Variants in GALNT18 observed in about 807,000 individuals in gnomAD.
The protein encoded by GALNT18 is polypeptide N-acetylgalactosaminyltransferase 18.
GALNT18 carries 44 observed loss-of-function variants against 69.5 expected under a neutral mutation model. The ratio of observed to expected loss-of-function variants is 0.63; its 90% CI spans 0.50 to 0.81. The LOEUF is 0.81. Among genes scored for constraint, GALNT18 ranks in the 40% least tolerant of loss-of-function variants. GALNT18 has a pLI of 0.00. For synonymous variants in GALNT18, 364 were observed against 318.2 expected, an observed-to-expected ratio of 1.14 and a Z score of -1.53; for missense variants, 715 against 810.0, an observed-to-expected ratio of 0.88 and a Z score of 1.42.
rs562408504 is a variant in GALNT18 at position 11,538,719 on chromosome 11, C to T, written c.235+82640G>A. ...AAATGGGGACCTTAACAGGGCCTCA[C>T]TGGGCCTTTGGAAGGATTAAGTGAG... On this transcript the variant is annotated intron_variant, in intron 1 of 10. Transcript: ENST00000227756. The surrounding 1 kb of genome is among the most constrained non-coding windows in gnomAD (Gnocchi z 5.2). Among the ~76,000 whole-genome samples the T allele has an allele frequency of 5.7e-4, 87 of 152,310 alleles. 1 individual carries two copies. Among genetic ancestry groups the T allele is most frequent in the Admixed American group, 6.5e-4 (10 of 15,306 alleles).
rs1853955782 is a variant in GALNT18, at chr11:11,382,907, G to A, written c.596-3643C>T. ...GAAAGAGGAGGCAGGGAGTCTGCTT[G>A]CTGTGACTCTGCCAGATCTAGAGTC... On this transcript the variant is annotated intron_variant, in intron 3 of 10. Transcript: ENST00000227756. The surrounding 1 kb of genome is among the most constrained non-coding windows in gnomAD (Gnocchi z 4.3). Among the ~76,000 whole-genome samples the A allele has an allele frequency of 6.6e-6, 1 of 152,170 alleles. No individual in the cohort carries two copies. The highest frequency in any genetic ancestry group is 2.4e-5 in the African/African-American group (1 of 41,454).
intron 6 of GALNT18, among the ~76,000 whole-genome samples, chr11:11,370,445 A>C (rs1850873921): frequency 6.6e-6 from 1 of 152,156 alleles, no homozygotes; most frequent in East Asian, 1.9e-4. Context: ...TTAAAGGGGG[A>C]ACTGAAATTC....
At chr11:11,545,082 G>A (rs1858017411) in intron 1 of GALNT18, among the ~76,000 whole-genome samples, 1 of 152,198 alleles carries the variant, frequency 6.6e-6, no homozygotes, top group African/African-American at 2.4e-5. Context: ...ACCACATGAG[G>A]TAGAAAGCAT....
chr11:11,300,494 T>C (rs1849474709), intron 9 of GALNT18, among the ~76,000 whole-genome samples: 3 of 152,198 alleles, frequency 2.0e-5, no homozygotes, highest in Non-Finnish European at 4.4e-5. Flanking sequence ...TTTATCCATA[T>C]TTTTGTTGGT....
At chr11:11,578,226 C>A (rs1858973934) in intron 1 of GALNT18, among the ~76,000 whole-genome samples, 1 of 151,050 alleles carries the variant, frequency 6.6e-6, no homozygotes. Flanking sequence ...AGAACCCCAG[C>A]AGCCATCAGG....
chr11:11,352,548 C>T (rs777379727), intron 6 of GALNT18: 25 of 1,614,110 alleles, frequency 1.5e-5, no homozygotes, highest in Admixed American at 1.3e-4. Flanking sequence ...GGAAGCAACT[C>T]GGACATTATA....
At chr11:11,440,463 A>G (rs927943089) in intron 2 of GALNT18, among the ~76,000 whole-genome samples, 2 of 152,224 alleles carry the variant, frequency 1.3e-5, no homozygotes, top group African/African-American at 2.4e-5. Context: ...GGGGCCGGGA[A>G]AGGCAGGTCC....
At chr11:11,611,788 C>A (rs191601027) in intron 1 of GALNT18, among the ~76,000 whole-genome samples, 1 of 152,200 alleles carries the variant, frequency 6.6e-6, no homozygotes, top group Non-Finnish European at 1.5e-5. Context: ...TGGAACACTC[C>A]GCTTTTTTGA....
At position 11,387,559 on chromosome 11, in the gene GALNT18, T is replaced by C. The variant is rs1385007036; in HGVS notation, c.596-8295A>G. Among the ~76,000 whole-genome samples the C allele has an allele frequency of 2.6e-5, 4 of 152,256 alleles. No individual in the cohort carries two copies. Among genetic ancestry groups the C allele is most frequent in the Non-Finnish European group, 5.9e-5 (4 of 68,048 alleles). ...ATTCCTTTCCAAGTGAAAAGTGGCT[T>C]GTCTTCTTCAGATCAGAAGATTAAC... On this transcript the variant is annotated intron_variant, in intron 3 of 10. Transcript: ENST00000227756. This position sits in a 1 kb window ranked among gnomAD's most constrained non-coding sequence, Gnocchi z 4.6.
rs1461112174 is a variant in GALNT18 at position 11,613,001 on chromosome 11, C to T, written c.235+8358G>A. On this transcript the variant is annotated intron_variant, in intron 1 of 10. Coordinates refer to ENST00000227756, the MANE Select transcript of GALNT18 (RefSeq NM_198516.3). The surrounding 1 kb of genome is among the most constrained non-coding windows in gnomAD (Gnocchi z 4.2). ...ACTGAATGTTTATGGTGGCTGGACA[C>T]TCAGGGGTTTCCACTAGCATCATTA... is the stretch of plus-strand genomic sequence containing the variant. Among the ~76,000 whole-genome samples the T allele has an allele frequency of 6.6e-6, 1 of 152,192 alleles. No individual in the cohort carries two copies. The highest frequency in any genetic ancestry group is 1.5e-5 in the Non-Finnish European group (1 of 68,030).
chr11:11,326,135 C>A (rs981837310), intron 9 of GALNT18, among the ~76,000 whole-genome samples: 2 of 151,466 alleles, frequency 1.3e-5, no homozygotes, highest in African/African-American at 4.9e-5. Flanking sequence ...AGCTCTGCCT[C>A]CCGGGTTCAC....
rs527961821 is a variant in GALNT18, at chr11:11,449,803, A to C, written c.236-867T>G. ...AAATTCCCCAACCTAGAATGCAGAG[A>C]TAATAATACCCAACCAGCCTCCAGA... On this transcript the variant is annotated intron_variant, in intron 1 of 10. Transcript: ENST00000227756. 4.2e-4 allele frequency among the ~76,000 whole-genome samples: 64 copies of C among 152,376 alleles called. 1 individual carries two copies. Among genetic ancestry groups the C allele is most frequent in the African/African-American group, 1.5e-3 (61 of 41,598 alleles).
chr11:11,534,021 C>G (rs547880172), intron 1 of GALNT18, among the ~76,000 whole-genome samples: 5 of 152,316 alleles, frequency 3.3e-5, no homozygotes, highest in Admixed American at 6.5e-5. Context: ...CATCATCTCA[C>G]GCAGCCTCAT....
At chr11:11,488,077 G>T (rs1856681065) in intron 1 of GALNT18, among the ~76,000 whole-genome samples, 1 of 152,058 alleles carries the variant, frequency 6.6e-6, no homozygotes, top group Non-Finnish European at 1.5e-5. Flanking sequence ...AAACTTCAGG[G>T]GATAATAGCT....
chr11:11,609,054 C>T (rs1286802391), intron 1 of GALNT18, among the ~76,000 whole-genome samples: 1 of 152,222 alleles, frequency 6.6e-6, no homozygotes, highest in Non-Finnish European at 1.5e-5. Context: ...ATGAGCTCTT[C>T]AAAGAAAAGG....
chr11:11,334,956 G>A (rs1037861808), intron 7 of GALNT18, among the ~76,000 whole-genome samples: 3 of 152,226 alleles, frequency 2.0e-5, no homozygotes, highest in Non-Finnish European at 4.4e-5. Context: ...CATTCATTAA[G>A]TATTAACCCT....
At chr11:11,556,081 G>A (rs1858326314) in intron 1 of GALNT18, among the ~76,000 whole-genome samples, 1 of 152,188 alleles carries the variant, frequency 6.6e-6, no homozygotes, top group Non-Finnish European at 1.5e-5. Context: ...AACAATTCAG[G>A]TTTCATGGAG....
intron 3 of GALNT18, among the ~76,000 whole-genome samples, chr11:11,390,257 C>T (rs900160810): frequency 2.0e-5 from 3 of 152,152 alleles, no homozygotes; most frequent in African/African-American, 4.8e-5. Flanking sequence ...GCACTAAGCT[C>T]GGTCATGCTA....
chr11:11,328,469 C>A (rs899866107), intron 8 of GALNT18, among the ~76,000 whole-genome samples: 2 of 152,134 alleles, frequency 1.3e-5, no homozygotes, highest in African/African-American at 4.8e-5. Context: ...GTGGCAGGAG[C>A]AAAATGAAGC....
Sources: gnomAD v4.1 joint callset for allele counts (sites outside exome capture counted in the v4.1 genomes callset) on GRCh38, gnomAD v4.1.1 for gene constraint, Gnocchi (gnomAD v3.1) non-coding constraint, MANE v1.5 for transcripts, NCBI Gene and HGNC (gene_info 2026-07-23, HGNC 2026-07-21) for gene names.